The following PTPRD variants were observed in gnomAD, a reference collection of about 807,000 sequenced individuals.
PTPRD encodes receptor-type tyrosine-protein phosphatase delta.
A neutral mutation model predicts 214.5 loss-of-function variants in PTPRD; 34 were observed. The ratio of observed to expected loss-of-function variants is 0.16; its 90% CI spans 0.12 to 0.21. PTPRD has a LOEUF of 0.21. PTPRD is among the 10% of genes least tolerant of loss of function. The probability of loss-of-function intolerance (pLI) is 1.00; values close to 1 mark genes in which losing one functional copy is unlikely to be tolerated. For missense variants in PTPRD, 2,545 were observed against 2,398.7 expected, an observed-to-expected ratio of 1.06 and a Z score of -1.27; for synonymous variants, 1,128 against 845.7, an observed-to-expected ratio of 1.33 and a Z score of -5.79.
intron 10 of PTPRD, among the ~76,000 whole-genome samples, chr9:9,126,517 G>C (rs1351061708): frequency 6.6e-6 from 1 of 152,092 alleles, no homozygotes; most frequent in Non-Finnish European, 1.5e-5. Context: ...CATACTTATT[G>C]TCACAAAAAG....
At position 9,764,236 on chromosome 9, in the gene PTPRD, A is replaced by G. The variant is rs573201698; in HGVS notation, c.-326+2574T>C. The stretch of plus-strand genomic sequence containing the variant: ...CTAAAATATTATGGGCATGCTATGG[A>G]GGTATAATTTTTTCTAATCTATCTA... On this transcript the variant is annotated intron_variant, in intron 6 of 45. Coordinates refer to ENST00000381196, the MANE Select transcript of PTPRD (RefSeq NM_002839.4). Among the ~76,000 whole-genome samples the G allele has an allele frequency of 3.9e-5, 6 of 152,222 alleles. No homozygotes were observed. In the South Asian group the frequency reaches 8.3e-4, roughly 21 times the overall value.
intron 3 of PTPRD, among the ~76,000 whole-genome samples, chr9:10,039,265 C>A (rs143581023): frequency 6.6e-6 from 1 of 152,036 alleles, no homozygotes; most frequent in African/African-American, 2.4e-5. Context: ...TAATTTGAAT[C>A]AACAGAAAAT....
intron 2 of PTPRD, among the ~76,000 whole-genome samples, chr9:10,495,017 T>C (rs746428031): frequency 1.3e-5 from 2 of 151,820 alleles, no homozygotes; most frequent in Non-Finnish European, 2.9e-5. Flanking sequence ...GTGCTCAAGG[T>C]AAATAATTGA....
intron 9 of PTPRD, among the ~76,000 whole-genome samples, chr9:9,258,968 G>T (rs2099978939): frequency 6.6e-6 from 1 of 151,644 alleles, no homozygotes; most frequent in African/African-American, 2.4e-5. Context: ...TCTCGAGTTG[G>T]GGAGCTTTAT....
chr9:10,064,188 C>T (rs1430987992), intron 3 of PTPRD, among the ~76,000 whole-genome samples: 1 of 151,604 alleles, frequency 6.6e-6, no homozygotes, highest in Non-Finnish European at 1.5e-5. Flanking sequence ...CTTAAAAATT[C>T]TGTATACCTC....
At chr9:10,185,879 T>C (rs1000857392) in intron 3 of PTPRD, among the ~76,000 whole-genome samples, 4 of 152,220 alleles carry the variant, frequency 2.6e-5, no homozygotes, top group East Asian at 1.9e-4. Flanking sequence ...TGTCTATTTC[T>C]TGTGGAGAGG....
At chr9:8,552,090 G>A (rs1367908357) in intron 14 of PTPRD, among the ~76,000 whole-genome samples, 1 of 152,036 alleles carries the variant, frequency 6.6e-6, no homozygotes, top group Non-Finnish European at 1.5e-5. Flanking sequence ...AGAGGCCTGT[G>A]ACCATCACCT....
chr9:9,988,278 TTA>T (rs1477123668), intron 4 of PTPRD, among the ~76,000 whole-genome samples: 2 of 152,184 alleles, frequency 1.3e-5, no homozygotes, highest in Non-Finnish European at 2.9e-5. Context: ...TTTTATGAAA[TTA>T]TGTTAGTTAT....
chr9:9,830,160 G>T (rs2054335141), intron 5 of PTPRD, among the ~76,000 whole-genome samples: 1 of 151,436 alleles, frequency 6.6e-6, no homozygotes, highest in South Asian at 2.1e-4. Context: ...AATAATATTT[G>T]TGTGGCTTTT....
chr9:8,926,841 G>C (rs2098899386), intron 11 of PTPRD, among the ~76,000 whole-genome samples: 1 of 152,158 alleles, frequency 6.6e-6, no homozygotes, highest in Non-Finnish European at 1.5e-5. Flanking sequence ...AACTTGTAAA[G>C]ACTATTCAAA....
intron 4 of PTPRD, among the ~76,000 whole-genome samples, chr9:10,023,441 G>A (rs10809012): frequency 0.7 from 106,512 of 151,960 alleles, 37,920 homozygotes; most frequent in Middle Eastern, 0.82. Context: ...TTCTGCACAT[G>A]ATTTCTTCCA....
intron 11 of PTPRD, among the ~76,000 whole-genome samples, chr9:9,013,178 T>C (rs965016399): frequency 1.3e-5 from 2 of 152,010 alleles, no homozygotes; most frequent in Non-Finnish European, 2.9e-5. Flanking sequence ...ATCTGAGGCA[T>C]TGGGGGTTTA....
chr9:9,028,221 A>C (rs935497926), intron 10 of PTPRD, among the ~76,000 whole-genome samples: 1 of 151,966 alleles, frequency 6.6e-6, no homozygotes, highest in Admixed American at 6.6e-5. Context: ...GAATTCTTCC[A>C]TACTGATAAG....
At chr9:9,543,959 G>GT (rs1198714062) in intron 8 of PTPRD, among the ~76,000 whole-genome samples, 2 of 151,532 alleles carry the variant, frequency 1.3e-5, no homozygotes, top group South Asian at 2.1e-4. Flanking sequence ...ATTTTATCAG[G>GT]TAACTGTCAG....
At chr9:9,616,157 A>G (rs898233249) in intron 7 of PTPRD, among the ~76,000 whole-genome samples, 4 of 152,198 alleles carry the variant, frequency 2.6e-5, no homozygotes, top group Non-Finnish European at 5.9e-5. Context: ...GCTTCAGAAG[A>G]GTATATTGTC....
At chr9:9,319,532 T>C (rs1297684456) in intron 9 of PTPRD, among the ~76,000 whole-genome samples, 3 of 152,220 alleles carry the variant, frequency 2.0e-5, no homozygotes, top group South Asian at 2.1e-4. Flanking sequence ...TTAAATGTTA[T>C]ACAATCGGCT....
chr9:8,686,846 G>A (rs1309946857), intron 12 of PTPRD, among the ~76,000 whole-genome samples: 1 of 152,212 alleles, frequency 6.6e-6, no homozygotes, highest in Admixed American at 6.5e-5. Flanking sequence ...AAAGTTGAAA[G>A]CTAGCTATCA....
intron 10 of PTPRD, among the ~76,000 whole-genome samples, chr9:9,081,805 C>T (rs948701690): frequency 1.3e-5 from 2 of 149,636 alleles, no homozygotes; most frequent in Non-Finnish European, 1.5e-5. Flanking sequence ...TTATCAGAGA[C>T]TAGGATTGCA....
At chr9:9,058,728 C>T (rs2099701561) in intron 10 of PTPRD, among the ~76,000 whole-genome samples, 1 of 151,650 alleles carries the variant, frequency 6.6e-6, no homozygotes. Flanking sequence ...GGACTACAGG[C>T]GTGAGCCACC....
Sources: gnomAD v4.1 joint callset for allele counts (sites outside exome capture counted in the v4.1 genomes callset) on GRCh38, gnomAD v4.1.1 for gene constraint, MANE v1.5 for transcripts, NCBI Gene and HGNC (gene_info 2026-07-23, HGNC 2026-07-21) for gene names.